Variants in TENM4 observed in about 807,000 individuals in gnomAD.
TENM4 encodes the protein teneurin transmembrane protein 4, also known as teneurin-4.
In TENM4, 82 loss-of-function variants were observed where a neutral mutation model predicts 243.3. That is an observed-to-expected ratio of 0.34 (90% CI 0.28 to 0.40). TENM4 has a LOEUF of 0.40. Ranked by LOEUF, TENM4 falls within the 10% of genes least tolerant of loss-of-function variation. The pLI is 1.00. For missense variants in TENM4, 3,138 were observed against 3,673.3 expected, an observed-to-expected ratio of 0.85 and a Z score of 3.77; for synonymous variants, 1,412 against 1,456.3, an observed-to-expected ratio of 0.97 and a Z score of 0.69.
intron 3 of TENM4, among the ~76,000 whole-genome samples, chr11:79,159,632 G>A (rs1443451901): frequency 2.6e-5 from 4 of 152,082 alleles, no homozygotes; most frequent in Admixed American, 6.6e-5. Flanking sequence ...CTCCTAATGT[G>A]TGGCTGACCC....
intron 28 of TENM4, among the ~76,000 whole-genome samples, chr11:78,688,858 A>C (rs997579155): frequency 3.3e-5 from 5 of 152,216 alleles, no homozygotes; most frequent in African/African-American, 1.2e-4. Flanking sequence ...TGCAACTCTT[A>C]GAACCCCCAC....
At chr11:78,872,556 C>T (rs1859162136) in intron 9 of TENM4, among the ~76,000 whole-genome samples, 1 of 152,176 alleles carries the variant, frequency 6.6e-6, no homozygotes, top group Non-Finnish European at 1.5e-5. Context: ...ACACCATTCC[C>T]AGTGCTATCT....
intron 1 of TENM4, among the ~76,000 whole-genome samples, chr11:79,434,566 A>G (rs952535903): frequency 9.2e-5 from 14 of 152,242 alleles, no homozygotes; most frequent in Non-Finnish European, 1.8e-4. Context: ...TGATGATTCC[A>G]AGAGCCAGGG....
Position 79,355,394 on chromosome 11 carries a change from G to A in TENM4, c.-320-57851C>T, listed in dbSNP as rs144758392. 9.7e-3 allele frequency among the ~76,000 whole-genome samples: 1,475 copies of A among 152,210 alleles called. 7 individuals are homozygous for A. Among genetic ancestry groups the A allele is most frequent in the Middle Eastern group, 0.051 (15 of 294 alleles). ...CTAAAAACACAAAAATTAGCCAGCCGTGGTGGTGGGCACCTGTAATCCCAG... is the reference window on the plus strand; with the variant it reads ...CTAAAAACACAAAAATTAGCCAGCCATGGTGGTGGGCACCTGTAATCCCAG... On this transcript the variant is annotated intron_variant, in intron 1 of 33. Coordinates refer to ENST00000278550, the MANE Select transcript of TENM4 (RefSeq NM_001098816.3).
chr11:79,402,518 A>T (rs1367315795), intron 1 of TENM4, among the ~76,000 whole-genome samples: 1 of 152,052 alleles, frequency 6.6e-6, no homozygotes. Context: ...TATTCAATGC[A>T]TTTTGGTTTT....
rs374046025 is a variant in TENM4 at position 79,394,719 on chromosome 11, T to C, written c.-321+45790A>G. On this transcript the variant is annotated intron_variant, in intron 1 of 33. Coordinates refer to ENST00000278550, the MANE Select transcript of TENM4 (RefSeq NM_001098816.3). ...TGTAATCAAGATGTAAGTTAAGGTG[T>C]AGTCCTGATGGAATAGGGTAGGCCC... Among the ~76,000 whole-genome samples, 52 of 152,354 alleles carry C rather than the reference T, an allele frequency of 3.4e-4. No homozygotes were observed. In the South Asian group the frequency reaches 0.01, roughly 30 times the overall value.
At chr11:78,989,221 T>C (rs1857985615) in intron 6 of TENM4, among the ~76,000 whole-genome samples, 1 of 152,252 alleles carries the variant, frequency 6.6e-6, no homozygotes, top group Middle Eastern at 3.2e-3. Context: ...TATTATTATG[T>C]TCTATTAACA....
At chr11:79,168,435 G>A (rs1862965783) in intron 3 of TENM4, among the ~76,000 whole-genome samples, 2 of 152,136 alleles carry the variant, frequency 1.3e-5, no homozygotes, top group Admixed American at 1.3e-4. Context: ...CTGGAGGAAG[G>A]GACTGCAAGC....
chr11:79,023,429 G>A (rs1293898040), intron 6 of TENM4, among the ~76,000 whole-genome samples: 1 of 152,034 alleles, frequency 6.6e-6, no homozygotes, highest in Non-Finnish European at 1.5e-5. Flanking sequence ...GGGCGCAGTG[G>A]TGTGCACCTG....
At chr11:79,326,254 C>G (rs1041955951) in intron 1 of TENM4, among the ~76,000 whole-genome samples, 7 of 152,192 alleles carry the variant, frequency 4.6e-5, no homozygotes, top group Admixed American at 1.3e-4. Flanking sequence ...AAGTCCCTAA[C>G]CCCCTTTCCC....
intron 6 of TENM4, among the ~76,000 whole-genome samples, chr11:78,916,248 C>T (rs1015657733): frequency 2.6e-5 from 4 of 152,196 alleles, no homozygotes; most frequent in Admixed American, 2.6e-4. Context: ...GCATAATCTA[C>T]TTCTTAGCGT....
At chr11:78,839,822 C>T (rs1858210789) in intron 12 of TENM4, among the ~76,000 whole-genome samples, 2 of 152,034 alleles carry the variant, frequency 1.3e-5, no homozygotes, top group South Asian at 4.1e-4. Context: ...TAGTATTGTC[C>T]TCAGAGGTGT....
At chr11:79,409,060 T>TTTTGTGTG (rs1481018185) in intron 1 of TENM4, among the ~76,000 whole-genome samples, 2 of 141,938 alleles carry the variant, frequency 1.4e-5, no homozygotes, top group African/African-American at 5.3e-5. Flanking sequence ...GAGGGATATT[T>TTTTGTGTG]TGTGTGTGTG....
At chr11:79,369,188 A>C (rs1857733688) in intron 1 of TENM4, among the ~76,000 whole-genome samples, 1 of 151,984 alleles carries the variant, frequency 6.6e-6, no homozygotes, top group African/African-American at 2.4e-5. Flanking sequence ...GCCAGGAGTC[A>C]CTCCAAATGA....
chr11:79,222,295 G>A (rs143620949), intron 2 of TENM4, among the ~76,000 whole-genome samples: 1 of 152,122 alleles, frequency 6.6e-6, no homozygotes, highest in Non-Finnish European at 1.5e-5. Context: ...GAGGATAATG[G>A]CTTCCAGCTC....
intron 3 of TENM4, among the ~76,000 whole-genome samples, chr11:79,197,400 C>G (rs1351991770): frequency 6.6e-6 from 1 of 151,166 alleles, no homozygotes; most frequent in African/African-American, 2.4e-5. Context: ...GAACCAGAAC[C>G]AAAAGCTGCT....
At chr11:78,926,081 G>C (rs1381287885) in intron 6 of TENM4, among the ~76,000 whole-genome samples, 1 of 152,050 alleles carries the variant, frequency 6.6e-6, no homozygotes, top group African/African-American at 2.4e-5. Context: ...GAGAGAGAAG[G>C]TAGTGTGGGA....
At chr11:79,002,952 A>G (rs1414417119) in intron 6 of TENM4, among the ~76,000 whole-genome samples, 3 of 152,204 alleles carry the variant, frequency 2.0e-5, no homozygotes, top group Admixed American at 1.3e-4. Flanking sequence ...AGAAAGAACC[A>G]AACTGATCTG....
intron 4 of TENM4, among the ~76,000 whole-genome samples, chr11:79,125,309 G>T (rs960298080): frequency 5.9e-5 from 9 of 152,156 alleles, no homozygotes; most frequent in Non-Finnish European, 1.2e-4. Context: ...AGTGATGAAA[G>T]AAAGTAATGA....
Sources: allele counts gnomAD v4.1 joint callset (sites outside exome capture counted in the v4.1 genomes callset), GRCh38; gene constraint gnomAD v4.1.1; transcripts MANE v1.5; gene names NCBI Gene and HGNC (gene_info 2026-07-23, HGNC 2026-07-21).